The following DAAM2 variants were observed in gnomAD, a reference collection of about 807,000 sequenced individuals.
DAAM2 encodes the protein dishevelled associated activator of morphogenesis 2.
A neutral mutation model predicts 120.7 loss-of-function variants in DAAM2; 39 were observed. That is an observed-to-expected ratio of 0.32 (90% CI 0.25 to 0.42). DAAM2 has a LOEUF of 0.42. Among genes scored for constraint, DAAM2 ranks in the 10% least tolerant of loss-of-function variants. The pLI, the probability that DAAM2 is intolerant of heterozygous loss-of-function variation, is 1.00. For missense variants in DAAM2, 1,283 were observed against 1,401.7 expected (o/e 0.92, Z 1.35); for synonymous variants, 488 against 524.9 (o/e 0.93, Z 0.96).
Position 39,901,424 on chromosome 6 carries a change from G to GAGGAGGAGGA in DAAM2, c.2945_2954dup (p.Glu986GlyfsTer20). On this transcript the variant is annotated frameshift_variant, in exon 24 of 25. Coordinates refer to ENST00000274867, the MANE Select transcript of DAAM2 (RefSeq NM_001201427.2). LOFTEE classifies it high-confidence loss of function. This position sits in a 1 kb window ranked among gnomAD's most constrained non-coding sequence, Gnocchi z 4.5. ...AGGCCCGGCAGGATCTAGAGGCCAT[G>GAGGAGGAGGA]AGGAGGAGGAAGGAGGAGGAGGAGC... 1.2e-6 allele frequency: 2 copies of GAGGAGGAGGA among 1,613,268 alleles called. No homozygotes were observed. The highest frequency in any genetic ancestry group is 1.7e-6 in the Non-Finnish European group (2 of 1,179,776).
chr6:39,831,436 A>T (rs1762883708), intron 1 of DAAM2, among the ~76,000 whole-genome samples: 1 of 152,010 alleles, frequency 6.6e-6, no homozygotes, highest in Non-Finnish European at 1.5e-5. Flanking sequence ...CCCACAATTA[A>T]TCCCCACAAT....
At chr6:39,830,930 G>A (rs145114131) in intron 1 of DAAM2, among the ~76,000 whole-genome samples, 2 of 152,276 alleles carry the variant, frequency 1.3e-5, no homozygotes, top group African/African-American at 2.4e-5. Flanking sequence ...GGTCCTCTCA[G>A]GTCGACCATG....
At chr6:39,844,263 A>T (rs1582661166) in intron 1 of DAAM2, among the ~76,000 whole-genome samples, 1 of 152,082 alleles carries the variant, frequency 6.6e-6, no homozygotes, top group Non-Finnish European at 1.5e-5. Flanking sequence ...CTCAATGGGG[A>T]TGCAGCTAAA....
At chr6:39,808,694 A>G (rs1253198541) in intron 1 of DAAM2, among the ~76,000 whole-genome samples, 3 of 152,222 alleles carry the variant, frequency 2.0e-5, no homozygotes, top group African/African-American at 7.2e-5. Flanking sequence ...CAAGTGACAT[A>G]CACTGTGTTG....
chr6:39,901,314 T>C lies in DAAM2; in HGVS notation c.2824T>C (p.Leu942=). The part of the protein sequence containing the change: ...NEARDKFAKA[L]MHFGEHDSKM... ...TGTCCCTTGACAGTTCGCCAAGGCC[T>C]TGATGCACTTCGGGGAGCATGACAG... is the stretch of plus-strand genomic sequence containing the variant. Residue 942 remains leucine (L), a synonymous_variant, in exon 24 of 25, where the codon TTG becomes CTG. Coordinates refer to ENST00000274867, the MANE Select transcript of DAAM2 (RefSeq NM_001201427.2). This position sits in a 1 kb window ranked among gnomAD's most constrained non-coding sequence, Gnocchi z 4.5. 3.1e-6 allele frequency: 5 copies of C among 1,613,824 alleles called. No homozygotes were observed. Among genetic ancestry groups the C allele is most frequent in the Non-Finnish European group, 4.2e-6 (5 of 1,179,800 alleles).
chr6:39,860,868 G>C, intron 2 of DAAM2, 60 bp from the exon 3 acceptor site: 1 of 1,352,404 alleles, frequency 7.4e-7, no homozygotes. Context: ...CTGCAGGGCT[G>C]ACTATTCTAA....
intron 1 of DAAM2, among the ~76,000 whole-genome samples, chr6:39,855,425 C>T (rs76086928): frequency 0.014 from 2,163 of 152,240 alleles, 53 homozygotes; most frequent in African/African-American, 0.049. Context: ...GGTCTCTAGA[C>T]AGAACAGTGT....
At position 39,879,171 on chromosome 6, in the gene DAAM2, C is replaced by T. The variant is rs1431514131; in HGVS notation, c.1546-7C>T. 1.3e-6 allele frequency: 2 copies of T among 1,533,920 alleles called. No individual in the cohort carries two copies. The highest frequency in any genetic ancestry group is 1.4e-5 in the African/African-American group (1 of 72,434). On this transcript the variant is annotated splice_polypyrimidine_tract_variant and splice_region_variant and intron_variant, in intron 13 of 24. Coordinates refer to ENST00000274867, the MANE Select transcript of DAAM2 (RefSeq NM_001201427.2). ...TTTGTCCTTGCAATTTTTCTGTTTCCTCACAGACAGGCCCTGTATCTTCCC... is the reference window on the plus strand; with the variant it reads ...TTTGTCCTTGCAATTTTTCTGTTTCTTCACAGACAGGCCCTGTATCTTCCC...
At chr6:39,850,275 G>T (rs1014470717) in intron 1 of DAAM2, among the ~76,000 whole-genome samples, 1 of 151,946 alleles carries the variant, frequency 6.6e-6, no homozygotes, top group Non-Finnish European at 1.5e-5. Context: ...CCCTCCCCTT[G>T]CACCCTTCCT....
At chr6:39,870,588 G>A (rs1457700187) in intron 8 of DAAM2, 145 bp downstream of exon 8, 2 of 646,332 alleles carry the variant, frequency 3.1e-6, no homozygotes, top group South Asian at 3.6e-5. Flanking sequence ...TCTGTGGGGG[G>A]AAGGGGTGCC....
At position 39,904,557 on chromosome 6, in the gene DAAM2, C is replaced by T. The variant is rs1282092049; in HGVS notation, c.*2520C>T. On this transcript the variant is annotated 3_prime_UTR_variant, in exon 25 of 25. Coordinates refer to ENST00000274867, the MANE Select transcript of DAAM2 (RefSeq NM_001201427.2). ...AACCTAACAAACACAACCTTCTCAG[C>T]AGCATTTCTCCCCTGTGATGGAAAT... The T allele has an allele frequency of 1.1e-5, 5 of 452,978 alleles. No homozygotes were observed. Among genetic ancestry groups the T allele is most frequent in the Admixed American group, 9.4e-5 (4 of 42,504 alleles). 28.1% of individuals were successfully genotyped at this position (452,978 alleles called of 1,614,324 possible).
At chr6:39,885,889 T>C (rs924803084) in intron 15 of DAAM2, 1 of 152,324 alleles carries the variant, frequency 6.6e-6, no homozygotes, top group Non-Finnish European at 1.5e-5. Context: ...GTGCTGTGCC[T>C]CTTCAGTTCC....
intron 1 of DAAM2, among the ~76,000 whole-genome samples, chr6:39,835,412 G>A (rs564496327): frequency 2.0e-5 from 3 of 152,340 alleles, no homozygotes; most frequent in South Asian, 2.1e-4. Flanking sequence ...CTCTTCTCAC[G>A]TTAGAAGAGA....
intron 1 of DAAM2, among the ~76,000 whole-genome samples, chr6:39,826,845 C>G (rs761723451): frequency 6.6e-6 from 1 of 152,142 alleles, no homozygotes; most frequent in Non-Finnish European, 1.5e-5. Flanking sequence ...AGCACCTTCT[C>G]TTTTTAAAGA....
chr6:39,859,020 G>T (rs1041614933), intron 2 of DAAM2, among the ~76,000 whole-genome samples: 1 of 152,210 alleles, frequency 6.6e-6, no homozygotes, highest in Non-Finnish European at 1.5e-5. Flanking sequence ...TGCCTAGGCT[G>T]AGCAAAACCA....
chr6:39,803,595 TG>T (rs1224177055), intron 1 of DAAM2, among the ~76,000 whole-genome samples: 3 of 152,120 alleles, frequency 2.0e-5, no homozygotes, highest in African/African-American at 7.2e-5. Flanking sequence ...TTGCCTAAGA[TG>T]TTAGAAGCAG....
intron 1 of DAAM2, among the ~76,000 whole-genome samples, chr6:39,814,088 T>C (rs1762241678): frequency 6.6e-6 from 1 of 152,208 alleles, no homozygotes; most frequent in East Asian, 1.9e-4. Flanking sequence ...CGGCCCAGGA[T>C]GGCTTTGAAT....
intron 1 of DAAM2, among the ~76,000 whole-genome samples, chr6:39,806,102 C>G (rs1762003064): frequency 6.6e-6 from 1 of 152,046 alleles, no homozygotes; most frequent in African/African-American, 2.4e-5. Context: ...GATGAGTCCT[C>G]AAGGTACTCA....
intron 21 of DAAM2, chr6:39,897,514 TGA>T (rs1766182104): frequency 7.3e-5 from 25 of 342,190 alleles, no homozygotes; most frequent in East Asian, 1.3e-4. Flanking sequence ...CAGTACACCC[TGA>T]GAGAGAGAGG....
Sources: gnomAD v4.1 joint callset for allele counts (sites outside exome capture counted in the v4.1 genomes callset) on GRCh38, gnomAD v4.1.1 for gene constraint, Gnocchi (gnomAD v3.1) non-coding constraint, MANE v1.5 for transcripts, NCBI Gene and HGNC (gene_info 2026-07-23, HGNC 2026-07-21) for gene names.